GPRIN3: variants seen among roughly 807,000 people sequenced by gnomAD.
GPRIN3 encodes GPRIN family member 3, also known as G protein-regulated inducer of neurite outgrowth 3.
A neutral mutation model predicts 13.7 loss-of-function variants in GPRIN3; 12 were observed. The observed-to-expected ratio is 0.87, with a 90% CI of 0.56 to 1.42. GPRIN3 has a LOEUF of 1.42. GPRIN3 is among the 40% of genes most tolerant of loss of function. The pLI is 0.00. For missense variants in GPRIN3, 1,009 were observed against 958.7 expected, an observed-to-expected ratio of 1.05 and a Z score of -0.69; for synonymous variants, 377 against 372.7, an observed-to-expected ratio of 1.01 and a Z score of -0.13.
At chr4:89,301,476 C>G (rs996605503) in intron 1 of GPRIN3, among the ~76,000 whole-genome samples, 1 of 152,154 alleles carries the variant, frequency 6.6e-6, no homozygotes, top group Non-Finnish European at 1.5e-5. Context: ...ACAAAAAATG[C>G]TCTGATTACT....
At chr4:89,290,750 G>A (rs1309613245) in intron 1 of GPRIN3, among the ~76,000 whole-genome samples, 1 of 152,134 alleles carries the variant, frequency 6.6e-6, no homozygotes, top group African/African-American at 2.4e-5. Context: ...ACAGCATGTA[G>A]TGCAGGATTT....
intron 1 of GPRIN3, among the ~76,000 whole-genome samples, chr4:89,282,594 ATTTTT>A (rs11306317): frequency 0.071 from 9,615 of 135,590 alleles, 423 homozygotes; most frequent in African/African-American, 0.14. Context: ...TTTTTTTGCA[ATTTTT>A]TTTTTTTTTT....
At position 89,239,963 on chromosome 4, in the gene GPRIN3, C is replaced by A; in HGVS notation, c.*7817G>T. On this transcript the variant is annotated 3_prime_UTR_variant, in exon 2 of 2. Coordinates refer to ENST00000609438, the MANE Select transcript of GPRIN3 (RefSeq NM_198281.3). The stretch of plus-strand genomic sequence containing the variant: ...AGGTGTGAGCCACCACGCCCAGCCT[C>A]CATGCATATTTTCAATCTGATACCC... 1 of 152,170 alleles carries A rather than the reference C, an allele frequency of 6.6e-6. No homozygotes were observed. The allele number at this position is 152,170 out of a possible 1,614,324, so 9.4% of individuals were successfully genotyped here. A position where few individuals can be genotyped will look rare whatever the true frequency, so the allele number is the denominator to read the frequency against.
At position 89,249,929 on chromosome 4, in the gene GPRIN3, G is replaced by A. The variant is rs1475325208; in HGVS notation, c.182C>T (p.Ala61Val). 6.2e-7 allele frequency: 1 copy of A among 1,614,218 alleles called. No individual in the cohort carries two copies. The highest frequency in any genetic ancestry group is 8.5e-7 in the Non-Finnish European group (1 of 1,180,022). Residue 61 changes from alanine (A) to valine (V), a missense_variant, in exon 2 of 2, where the codon GCT (alanine) becomes GTT (valine). By Grantham distance (64) the Ala-to-Val change is moderately conservative (BLOSUM62 0). Transcript: ENST00000609438. Reference protein sequence around the residue: ...PAEPDLSPRAAAEALMQVCEH... With the variant: ...PAEPDLSPRAVAEALMQVCEH... ...ACAAACCTGCATCAGGGCTTCGGCA[G>A]CTGCCCTGGGGCTGAGGTCTGGTTC...
In GPRIN3 at chr4:89,247,317, T is replaced by C. The variant is rs34024302; in HGVS notation, c.*463A>G. Reference sequence around the variant, plus strand: ...TATCACCTATTTATAATTTGTGTGGTTACAGCATTCTTACTGCAATAAGAC... The same window carrying C: ...TATCACCTATTTATAATTTGTGTGGCTACAGCATTCTTACTGCAATAAGAC... On this transcript the variant is annotated 3_prime_UTR_variant, in exon 2 of 2. Coordinates refer to ENST00000609438, the MANE Select transcript of GPRIN3 (RefSeq NM_198281.3). 6.5e-6 allele frequency: 1 copy of C among 153,578 alleles called. No individual in the cohort carries two copies. Among genetic ancestry groups the C allele is most frequent in the African/African-American group, 2.4e-5 (1 of 41,464 alleles). 9.5% of individuals were successfully genotyped at this position (153,578 alleles called of 1,614,324 possible).
At position 89,249,312 on chromosome 4, in the gene GPRIN3, G is replaced by A. The variant is rs944996023; in HGVS notation, c.799C>T (p.Pro267Ser). The A allele has an allele frequency of 6.2e-7, 1 of 1,614,144 alleles. No individual in the cohort carries two copies. The highest frequency in any genetic ancestry group is 1.1e-5 in the South Asian group (1 of 91,078). ...PQGTTSVTPQPTPLTSEPSAC... is the reference protein window; with the variant it reads ...PQGTTSVTPQSTPLTSEPSAC... ...GAAGGTTCGCTAGTGAGGGGGGTTG[G>A]TTGAGGTGTCACAGAAGTTGTGCCT... is the stretch of plus-strand genomic sequence containing the variant. Residue 267 changes from proline to serine, a missense_variant, in exon 2 of 2, where the codon CCA becomes TCA. Transcript: ENST00000609438.
In GPRIN3 at chr4:89,247,584, T is replaced by G. The variant is rs1723138071; in HGVS notation, c.*196A>C. On this transcript the variant is annotated 3_prime_UTR_variant, in exon 2 of 2. Coordinates refer to ENST00000609438, the MANE Select transcript of GPRIN3 (RefSeq NM_198281.3). ...AAGCTTGTTTCTCTTTTCTTGTTCCTTCTTTCAAATTGAAATGACATTTTT... is the reference window on the plus strand; with the variant it reads ...AAGCTTGTTTCTCTTTTCTTGTTCCGTCTTTCAAATTGAAATGACATTTTT... The G allele has an allele frequency of 2.0e-6, 1 of 512,768 alleles. No homozygotes were observed. Among genetic ancestry groups the G allele is most frequent in the South Asian group, 4.2e-5 (1 of 23,988 alleles). 31.8% of individuals were successfully genotyped at this position (512,768 alleles called of 1,614,324 possible).
At chr4:89,302,230 T>G (rs1724918906) in intron 1 of GPRIN3, among the ~76,000 whole-genome samples, 1 of 152,186 alleles carries the variant, frequency 6.6e-6, no homozygotes, top group Non-Finnish European at 1.5e-5. Context: ...TGGAGAAAAC[T>G]CTTGGACATT....
At chr4:89,259,586 A>G (rs1460725945) in intron 1 of GPRIN3, among the ~76,000 whole-genome samples, 1 of 152,208 alleles carries the variant, frequency 6.6e-6, no homozygotes, top group African/African-American at 2.4e-5. Context: ...TCTACAGGAT[A>G]TATTTAGCAC....
intron 1 of GPRIN3, among the ~76,000 whole-genome samples, chr4:89,302,524 T>C (rs1724926609): frequency 6.6e-6 from 1 of 152,124 alleles, no homozygotes; most frequent in Non-Finnish European, 1.5e-5. Context: ...CTGGTAATAA[T>C]AATTGGGGCC....
chr4:89,260,438 G>A (rs1456366070), intron 1 of GPRIN3, among the ~76,000 whole-genome samples: 1 of 152,206 alleles, frequency 6.6e-6, no homozygotes, highest in East Asian at 1.9e-4. Flanking sequence ...AAGCGAGGAA[G>A]AGAAGGAAAG....
At chr4:89,267,731 T>C (rs1723819495) in intron 1 of GPRIN3, among the ~76,000 whole-genome samples, 1 of 152,202 alleles carries the variant, frequency 6.6e-6, no homozygotes, top group Non-Finnish European at 1.5e-5. Context: ...TTAATGTCTA[T>C]AAGTGCTACA....
intron 1 of GPRIN3, among the ~76,000 whole-genome samples, chr4:89,283,136 C>T (rs1372861172): frequency 6.6e-6 from 1 of 152,188 alleles, no homozygotes; most frequent in Non-Finnish European, 1.5e-5. Context: ...AAAGACAGGC[C>T]TTCAGAGTAA....
intron 1 of GPRIN3, among the ~76,000 whole-genome samples, chr4:89,278,220 A>C (rs1049390247): frequency 6.6e-6 from 1 of 152,176 alleles, no homozygotes; most frequent in African/African-American, 2.4e-5. Context: ...GAAAGGATCG[A>C]TCATTATGTC....
At chr4:89,285,533 C>T (rs1218628454) in intron 1 of GPRIN3, among the ~76,000 whole-genome samples, 2 of 152,124 alleles carry the variant, frequency 1.3e-5, no homozygotes, top group African/African-American at 4.8e-5. Flanking sequence ...CCCATCTACT[C>T]CACAATCATA....
chr4:89,281,805 A>T (rs1363968594), intron 1 of GPRIN3, among the ~76,000 whole-genome samples: 1 of 152,166 alleles, frequency 6.6e-6, no homozygotes. Flanking sequence ...TCTTTCTTGC[A>T]TTGCTAATAA....
At chr4:89,295,619 G>A (rs187393589) in intron 1 of GPRIN3, among the ~76,000 whole-genome samples, 42 of 152,172 alleles carry the variant, frequency 2.8e-4, no homozygotes, top group African/African-American at 1.0e-3. Flanking sequence ...CAGAAAATAA[G>A]CCTGTGAATG....
At chr4:89,260,091 G>T (rs982538530) in intron 1 of GPRIN3, among the ~76,000 whole-genome samples, 3 of 152,224 alleles carry the variant, frequency 2.0e-5, no homozygotes, top group African/African-American at 7.2e-5. Context: ...ACAGGCGTGA[G>T]CCACCACGCC....
rs1350394509 is a variant in GPRIN3 at position 89,247,144 on chromosome 4, C to A, written c.*636G>T. On this transcript the variant is annotated 3_prime_UTR_variant, in exon 2 of 2. Coordinates refer to ENST00000609438, the MANE Select transcript of GPRIN3 (RefSeq NM_198281.3). The stretch of plus-strand genomic sequence containing the variant: ...ATAACTTTCTTATATTTATTAACAG[C>A]AATAAGAAGGTTTATAAAAAGAGTT... 1 of 152,000 alleles carries A rather than the reference C, an allele frequency of 6.6e-6. No homozygotes were observed. The highest frequency in any genetic ancestry group is 1.9e-4 in the East Asian group (1 of 5,198). The allele number at this position is 152,000 out of a possible 1,614,324, so 9.4% of individuals were successfully genotyped here.
Sources: allele counts gnomAD v4.1 joint callset (sites outside exome capture counted in the v4.1 genomes callset), GRCh38; gene constraint gnomAD v4.1.1; transcripts MANE v1.5; gene names NCBI Gene and HGNC (gene_info 2026-07-23, HGNC 2026-07-21).